The following P2RY6 variants were observed in gnomAD, a reference collection of about 807,000 sequenced individuals.
P2RY6 encodes P2Y purinoceptor 6.
In P2RY6, 19 loss-of-function variants were observed where a neutral mutation model predicts 16.3. That is an observed-to-expected ratio of 1.16 (90% CI 0.81 to 1.71). The LOEUF (loss-of-function observed/expected upper bound fraction) is 1.71, where lower values mean the gene tolerates loss of function less well. Among genes scored for constraint, P2RY6 ranks in the 40% most tolerant of loss-of-function variants. P2RY6 has a pLI of 0.00. For synonymous variants in P2RY6, 184 were observed against 201.5 expected (o/e 0.91, Z 0.74); for missense variants, 389 against 455.5 (o/e 0.85, Z 1.33).
chr11:73,283,122 T>A (rs1863830504), intron 1 of P2RY6, among the ~76,000 whole-genome samples: 1 of 152,084 alleles, frequency 6.6e-6, no homozygotes, highest in South Asian at 2.1e-4. Flanking sequence ...GGCATTTGGA[T>A]CTAATTCCAT....
At chr11:73,279,921 C>T (rs1171585357) in intron 1 of P2RY6, among the ~76,000 whole-genome samples, 1 of 152,190 alleles carries the variant, frequency 6.6e-6, no homozygotes, top group Non-Finnish European at 1.5e-5. Context: ...GGAAGCTCTG[C>T]TTAGAAGGGT....
At chr11:73,292,285 G>A (rs1167298973) in intron 1 of P2RY6, among the ~76,000 whole-genome samples, 2 of 152,364 alleles carry the variant, frequency 1.3e-5, no homozygotes, top group Non-Finnish European at 2.9e-5. Flanking sequence ...GAGAAAAGAA[G>A]AAGAGGGAAG....
intron 1 of P2RY6, among the ~76,000 whole-genome samples, chr11:73,290,354 A>AGAAG (rs1491424009): frequency 2.1e-3 from 253 of 121,838 alleles, no homozygotes; most frequent in African/African-American, 7.7e-3. Context: ...AAAGAAAGAA[A>AGAAG]GAAAGAAAGA....
chr11:73,285,844 T>C (rs1863950804), intron 1 of P2RY6, among the ~76,000 whole-genome samples: 1 of 152,220 alleles, frequency 6.6e-6, no homozygotes, highest in Admixed American at 6.5e-5. Context: ...CTGGTGAGAA[T>C]GAAGACCAAT....
At chr11:73,280,956 G>A (rs1301432020) in intron 1 of P2RY6, among the ~76,000 whole-genome samples, 1 of 152,176 alleles carries the variant, frequency 6.6e-6, no homozygotes, top group East Asian at 1.9e-4. Context: ...AAAGGGGCTG[G>A]AATGGCCCTG....
chr11:73,289,530 C>G (rs1864107973), intron 1 of P2RY6: 1 of 152,370 alleles, frequency 6.6e-6, no homozygotes, highest in South Asian at 2.1e-4. Context: ...GACTGGAAAC[C>G]CAGTCCGGAG....
chr11:73,288,139 C>T (rs1004131581), intron 1 of P2RY6, among the ~76,000 whole-genome samples: 6 of 152,186 alleles, frequency 3.9e-5, no homozygotes, highest in African/African-American at 7.2e-5. Flanking sequence ...GAATGAGACA[C>T]GGCACATCAA....
At chr11:73,278,872 G>T (rs955921458) in intron 1 of P2RY6, among the ~76,000 whole-genome samples, 3 of 151,994 alleles carry the variant, frequency 2.0e-5, no homozygotes, top group Non-Finnish European at 4.4e-5. Context: ...CAGTTCTTTT[G>T]GTTGGAATTC....
intron 2 of P2RY6, among the ~76,000 whole-genome samples, 172 bp downstream of exon 2, chr11:73,295,987 C>T (rs538160601): frequency 2.0e-5 from 3 of 152,168 alleles, no homozygotes; most frequent in South Asian, 4.2e-4. Flanking sequence ...CCCCAGTGAG[C>T]CCCTGGCAGC....
intron 1 of P2RY6, among the ~76,000 whole-genome samples, chr11:73,273,247 G>A (rs1462842232): frequency 3.3e-5 from 5 of 152,036 alleles, no homozygotes; most frequent in Non-Finnish European, 7.4e-5. Context: ...CAGCCCATGC[G>A]TTCAGCCCCG....
chr11:73,264,601 C>G (rs780027954), exon 1 of P2RY6: 2 of 152,478 alleles, frequency 1.3e-5, no homozygotes, highest in Non-Finnish European at 2.9e-5. Context: ...CCTAGCAGCG[C>G]CTGGGCGAGT....
intron 1 of P2RY6, among the ~76,000 whole-genome samples, chr11:73,285,059 C>T (rs946958388): frequency 2.0e-5 from 3 of 152,168 alleles, no homozygotes; most frequent in African/African-American, 7.2e-5. Flanking sequence ...GAGTGACCAC[C>T]TGAGGGGGTC....
chr11:73,280,919 G>A (rs1014486363), intron 1 of P2RY6, among the ~76,000 whole-genome samples: 5 of 152,162 alleles, frequency 3.3e-5, no homozygotes, highest in African/African-American at 4.8e-5. Flanking sequence ...TCAGACTTTT[G>A]CTGAGCCAGG....
chr11:73,290,353 AAG>A lies in P2RY6; in HGVS notation c.-120-5375_-120-5374del, dbSNP rs1159993450. Reference sequence around the variant, plus strand: ...AAAGAAAGAAAGAAAGAAAGAAAGAAAGAAAGAAAGAAGGAAAGAAAGAGAAA... The same window carrying A: ...AAAGAAAGAAAGAAAGAAAGAAAGAAAAAGAAAGAAGGAAAGAAAGAGAAA... On this transcript the variant is annotated intron_variant, in intron 1 of 2. Coordinates refer to ENST00000540124, the MANE Select transcript of P2RY6 (RefSeq NM_001277204.2). 2.4e-5 allele frequency among the ~76,000 whole-genome samples: 3 copies of A among 125,260 alleles called. No homozygotes were observed. The East Asian group carries it at 6.2e-4, about 26-fold the overall frequency. 82.2% of individuals were successfully genotyped at this position (125,260 alleles called of 152,430 possible).
At position 73,297,118 on chromosome 11, in the gene P2RY6, C is replaced by T. The variant is rs774547096; in HGVS notation, c.600C>T (p.Gly200=). The T allele has an allele frequency of 6.2e-7, 1 of 1,604,546 alleles. No homozygotes were observed. The highest frequency in any genetic ancestry group is 1.1e-5 in the South Asian group (1 of 91,088). ...MPYGMALTVI[G]FLLPFAALLA... ...ATGGCATGGCTCTCACTGTCATCGG[C>T]TTCCTGCTGCCCTTTGCTGCCCTGC... The change falls in exon 3 of 3, where the codon GGC becomes GGT. Residue 200 remains glycine (G), a synonymous_variant. Coordinates refer to ENST00000540124, the MANE Select transcript of P2RY6 (RefSeq NM_001277204.2).
chr11:73,291,547 A>G (rs1204103444), intron 1 of P2RY6, among the ~76,000 whole-genome samples: 2 of 152,232 alleles, frequency 1.3e-5, no homozygotes, highest in East Asian at 1.9e-4. Context: ...TAGGTGCTCA[A>G]CCTGTGCACA....
At chr11:73,277,955 T>C (rs1342074961) in intron 1 of P2RY6, among the ~76,000 whole-genome samples, 1 of 151,920 alleles carries the variant, frequency 6.6e-6, no homozygotes, top group Non-Finnish European at 1.5e-5. Context: ...ATACAGTAGA[T>C]GTGCTGGTCA....
At chr11:73,278,779 T>C (rs990149678) in intron 1 of P2RY6, among the ~76,000 whole-genome samples, 2 of 152,210 alleles carry the variant, frequency 1.3e-5, no homozygotes, top group Non-Finnish European at 2.9e-5. Context: ...CTACAGCTGT[T>C]TGGCTTGTTT....
chr11:73,272,807 A>C (rs1863371454), intron 1 of P2RY6, among the ~76,000 whole-genome samples: 1 of 152,116 alleles, frequency 6.6e-6, no homozygotes, highest in Non-Finnish European at 1.5e-5. Context: ...TGGCAAGGGC[A>C]CTTTTCCTCT....
Sources: gnomAD v4.1 joint callset for allele counts (sites outside exome capture counted in the v4.1 genomes callset) on GRCh38, gnomAD v4.1.1 for gene constraint, MANE v1.5 for transcripts, NCBI Gene and HGNC (gene_info 2026-07-23, HGNC 2026-07-21) for gene names.